Variants in FYB1 observed in about 807,000 individuals in gnomAD.
FYB1 encodes FYN binding protein 1, also known as FYN-binding protein 1.
FYB1 carries 41 observed loss-of-function variants against 94.1 expected under a neutral mutation model. The observed-to-expected ratio is 0.44, with a 90% CI of 0.34 to 0.57. The LOEUF is 0.57. Ranked by LOEUF, FYB1 falls within the 20% of genes least tolerant of loss-of-function variation. The probability of loss-of-function intolerance (pLI) is 0.02; values close to 1 mark genes in which losing one functional copy is unlikely to be tolerated. For missense variants in FYB1, 1,050 were observed against 976.8 expected, an observed-to-expected ratio of 1.07 and a Z score of -1.00; for synonymous variants, 367 against 353.2, an observed-to-expected ratio of 1.04 and a Z score of -0.44.
intron 11 of FYB1, among the ~76,000 whole-genome samples, chr5:39,127,099 T>C (rs1179467704): frequency 1.3e-5 from 2 of 150,950 alleles, no homozygotes; most frequent in African/African-American, 4.8e-5. Flanking sequence ...CTTAAACTTT[T>C]AAATATGCCA....
chr5:39,256,211 A>G (rs139561726), intron 1 of FYB1, among the ~76,000 whole-genome samples: 60 of 152,272 alleles, frequency 3.9e-4, no homozygotes, highest in African/African-American at 1.3e-3. Flanking sequence ...TTCCTCACCT[A>G]TAGATTGACT....
chr5:39,201,684 A>G, intron 2 of FYB1, 142 bp downstream of exon 2: 1 of 774,988 alleles, frequency 1.3e-6, no homozygotes, highest in African/African-American at 1.8e-5. Context: ...GAAAGAAAAA[A>G]ACAAGACAAA....
intron 18 of FYB1, among the ~76,000 whole-genome samples, 173 bp from the exon 19 acceptor site, chr5:39,107,638 T>G (rs1051606620): frequency 9.2e-5 from 14 of 152,058 alleles, no homozygotes; most frequent in Non-Finnish European, 2.9e-5. Flanking sequence ...TAACTTTTAT[T>G]ATTTAGTATA....
chr5:39,135,362 T>G (rs998379536), intron 7 of FYB1, among the ~76,000 whole-genome samples: 1 of 152,268 alleles, frequency 6.6e-6, no homozygotes, highest in African/African-American at 2.4e-5. Context: ...TGTATCTTTA[T>G]GGAATATGCC....
chr5:39,128,199 G>A (rs1187586899), intron 10 of FYB1, among the ~76,000 whole-genome samples: 1 of 152,120 alleles, frequency 6.6e-6, no homozygotes, highest in Non-Finnish European at 1.5e-5. Context: ...GAGAAGAAAA[G>A]CAATGGGATG....
intron 16 of FYB1, among the ~76,000 whole-genome samples, chr5:39,115,623 A>G (rs1301525496): frequency 6.6e-6 from 1 of 152,170 alleles, no homozygotes; most frequent in African/African-American, 2.4e-5. Context: ...TATTGCAATC[A>G]TCTAGGAGAG....
At chr5:39,155,679 TTTG>T (rs986633180) in intron 2 of FYB1, among the ~76,000 whole-genome samples, 5 of 152,172 alleles carry the variant, frequency 3.3e-5, no homozygotes, top group South Asian at 2.1e-4. Context: ...GCTTAGTTTT[TTTG>T]TTGTTGTTGT....
chr5:39,220,117 C>T (rs536633446), upstream of FYB1, among the ~76,000 whole-genome samples: 1 of 152,116 alleles, frequency 6.6e-6, no homozygotes, highest in African/African-American at 2.4e-5. Context: ...TGTGAAAAGA[C>T]CACCAGTGGG....
chr5:39,128,455 T>C (rs1740885249), intron 10 of FYB1, among the ~76,000 whole-genome samples: 1 of 152,122 alleles, frequency 6.6e-6, no homozygotes, highest in Non-Finnish European at 1.5e-5. Context: ...CTGCAAGTGT[T>C]AGATCAAATC....
Position 39,202,599 on chromosome 5 carries a change from G to A in FYB1, c.362C>T (p.Pro121Leu), listed in dbSNP as rs2150498267. Reference protein sequence around the residue: ...KPVGPKPINLPKEDSKPTFPW... With the variant: ...KPVGPKPINLLKEDSKPTFPW... ...AAATGTAGGTTTGGAATCTTCTTTGGGCAAGTTGATGGGCTTGGGGCCTAC... is the reference window on the plus strand; with the variant it reads ...AAATGTAGGTTTGGAATCTTCTTTGAGCAAGTTGATGGGCTTGGGGCCTAC... Residue 121 changes from proline (P) to leucine (L), a missense_variant, in exon 2 of 19, where the codon CCC (proline) becomes CTC (leucine). Pro to Leu is a moderately conservative substitution (Grantham distance 98). Coordinates refer to ENST00000512982, the MANE Select transcript of FYB1 (RefSeq NM_001465.6). 1 of 1,613,850 alleles carries A rather than the reference G, an allele frequency of 6.2e-7. No homozygotes were observed. Among genetic ancestry groups the A allele is most frequent in the Non-Finnish European group, 8.5e-7 (1 of 1,179,862 alleles).
At chr5:39,198,584 T>C (rs539584960) in intron 2 of FYB1, among the ~76,000 whole-genome samples, 5 of 152,268 alleles carry the variant, frequency 3.3e-5, no homozygotes, top group African/African-American at 9.6e-5. Context: ...AAAAGCAATA[T>C]GCATTCAGTA....
At chr5:39,250,647 C>T (rs939301905) in intron 1 of FYB1, 1 of 152,104 alleles carries the variant, frequency 6.6e-6, no homozygotes, top group Non-Finnish European at 1.5e-5. Flanking sequence ...AGCAGAGAGA[C>T]AATTAGGGTC....
chr5:39,234,995 G>A (rs1677441), intron 1 of FYB1, among the ~76,000 whole-genome samples: 24,565 of 151,636 alleles, frequency 0.16, 5,300 homozygotes, highest in African/African-American at 0.47. Context: ...ACCATGGCAC[G>A]TGTATACCTA....
At chr5:39,247,969 T>G (rs1437396398) in intron 1 of FYB1, among the ~76,000 whole-genome samples, 1 of 151,946 alleles carries the variant, frequency 6.6e-6, no homozygotes, top group Non-Finnish European at 1.5e-5. Flanking sequence ...GCTCCAGCAG[T>G]TTAGAAAGAG....
At chr5:39,186,707 A>G (rs1172669109) in intron 2 of FYB1, among the ~76,000 whole-genome samples, 1 of 114,218 alleles carries the variant, frequency 8.8e-6, no homozygotes, top group African/African-American at 3.4e-5. Context: ...GCTATCATCT[A>G]TTATTCATCT....
chr5:39,214,675 C>T (rs1248301790), intron 1 of FYB1, among the ~76,000 whole-genome samples: 1 of 152,202 alleles, frequency 6.6e-6, no homozygotes, highest in African/African-American at 2.4e-5. Flanking sequence ...TGCCTGTAAT[C>T]CCAGCATTTT....
At chr5:39,223,636 GC>G (rs1750358800), upstream of FYB1, among the ~76,000 whole-genome samples, 1 of 152,186 alleles carries the variant, frequency 6.6e-6, no homozygotes, top group Non-Finnish European at 1.5e-5. Flanking sequence ...ATTCCCCCAT[GC>G]AAGAGTAATT....
chr5:39,203,149 C>T lies in FYB1; in HGVS notation c.-27-162G>A, dbSNP rs929676927. 1.3e-5 allele frequency: 8 copies of T among 625,876 alleles called. 1 individual carries two copies. Among genetic ancestry groups the T allele is most frequent in the South Asian group, 1.1e-4 (5 of 45,486 alleles). 38.8% of individuals were successfully genotyped at this position (625,876 alleles called of 1,614,324 possible). A position where few individuals can be genotyped will look rare whatever the true frequency, so the allele number is the denominator to read the frequency against. On this transcript the variant is annotated intron_variant, in intron 1 of 18. Transcript: ENST00000512982. ...TCTTCCTCTCTGGCAAAATAAGTTG[C>T]GAGAGTTTCTTGAAAGAGGAAGGCT...
At chr5:39,195,956 A>AT (rs902766709) in intron 2 of FYB1, among the ~76,000 whole-genome samples, 3 of 151,926 alleles carry the variant, frequency 2.0e-5, no homozygotes, top group South Asian at 2.1e-4. Flanking sequence ...GGAAAAAAAA[A>AT]TTTAGCTTCA....
Sources: gnomAD v4.1 joint callset for allele counts (sites outside exome capture counted in the v4.1 genomes callset) on GRCh38, gnomAD v4.1.1 for gene constraint, MANE v1.5 for transcripts, NCBI Gene and HGNC (gene_info 2026-07-23, HGNC 2026-07-21) for gene names.